Variants in PGLYRP4 observed in about 807,000 individuals in gnomAD.
PGLYRP4 encodes PGRP-I-beta.
A neutral mutation model predicts 41.2 loss-of-function variants in PGLYRP4; 39 were observed. The observed-to-expected ratio is 0.95, with a 90% CI of 0.73 to 1.24. The LOEUF (loss-of-function observed/expected upper bound fraction) is 1.24, where lower values mean the gene tolerates loss of function less well. Ranked by LOEUF, PGLYRP4 falls within the 50% of genes most tolerant of loss-of-function variation. PGLYRP4 has a pLI of 0.00. For synonymous variants in PGLYRP4, 202 were observed against 186.8 expected (o/e 1.08, Z -0.66); for missense variants, 467 against 460.7 (o/e 1.01, Z -0.13).
intron 8 of PGLYRP4, among the ~76,000 whole-genome samples, chr1:153,335,633 G>A (rs1437976067): frequency 6.6e-6 from 1 of 152,070 alleles, no homozygotes; most frequent in South Asian, 2.1e-4. Context: ...GCTGAGGCAG[G>A]AGAATTGCTT....
chr1:153,334,367 G>GTA (rs1478683526), intron 8 of PGLYRP4, among the ~76,000 whole-genome samples: 4 of 149,554 alleles, frequency 2.7e-5, no homozygotes, highest in Non-Finnish European at 4.4e-5. Flanking sequence ...ATGTTTGTAT[G>GTA]TATATATATG....
At chr1:153,347,608 GTGATC>G (rs1209922072) in intron 2 of PGLYRP4, among the ~76,000 whole-genome samples, 1 of 151,966 alleles carries the variant, frequency 6.6e-6, no homozygotes, top group African/African-American at 2.4e-5. Flanking sequence ...TCTTAACCTC[GTGATC>G]TGCCCACCTA....
At chr1:153,330,982 A>T (rs770516452) in intron 8 of PGLYRP4, 37 bp from the exon 9 acceptor site, 2 of 1,567,306 alleles carry the variant, frequency 1.3e-6, no homozygotes, top group Non-Finnish European at 8.7e-7. Flanking sequence ...ACAGGATTAC[A>T]GGGCACCCTG....
intron 7 of PGLYRP4, among the ~76,000 whole-genome samples, chr1:153,340,092 G>A (rs966490313): frequency 1.3e-5 from 2 of 152,166 alleles, no homozygotes; most frequent in African/African-American, 4.8e-5. Flanking sequence ...TCTTGCATGC[G>A]TACTGCTTCC....
intron 6 of PGLYRP4, 112 bp from the exon 7 acceptor site, chr1:153,340,691 G>T (rs1660763073): frequency 3.7e-6 from 4 of 1,073,082 alleles, no homozygotes; most frequent in Non-Finnish European, 5.4e-6. Context: ...AACCCCTCTG[G>T]GTCTCCCACC....
At position 153,340,536 on chromosome 1, in the gene PGLYRP4, C is replaced by T. The variant is rs754370493; in HGVS notation, c.669G>A (p.Glu223=). The T allele has an allele frequency of 3.7e-5, 60 of 1,613,996 alleles. No homozygotes were observed. The highest frequency in any genetic ancestry group is 4.7e-5 in the Non-Finnish European group (56 of 1,180,014). The change falls in exon 7 of 9, where the codon GAG becomes GAA. Residue 223 remains glutamate, a synonymous_variant. Transcript: ENST00000359650. The stretch of plus-strand genomic sequence containing the variant: ...GGAGAGTCATCCTGGGACAGTGGGT[C>T]TCCCTGGCTCCCCACACAGACCGTG... ...VVPRSVWGAR[E]THCPRMTLPA... is the part of the protein sequence containing the mutation.
intron 4 of PGLYRP4, among the ~76,000 whole-genome samples, 159 bp from the exon 5 acceptor site, chr1:153,343,367 T>G (rs1243229619): frequency 6.6e-6 from 1 of 152,182 alleles, no homozygotes; most frequent in African/African-American, 2.4e-5. Context: ...AGCAAGTCAT[T>G]TATACTAGTC....
intron 8 of PGLYRP4, 71 bp from the exon 9 acceptor site, chr1:153,331,016 C>A: frequency 7.7e-7 from 1 of 1,292,610 alleles, no homozygotes; most frequent in South Asian, 1.5e-5. Flanking sequence ...ATCCCCAGAA[C>A]CCACCCTCAT....
At chr1:153,340,924 A>C (rs963039750) in intron 6 of PGLYRP4, among the ~76,000 whole-genome samples, 2 of 152,248 alleles carry the variant, frequency 1.3e-5, no homozygotes, top group Non-Finnish European at 2.9e-5. Flanking sequence ...ATCTTGATTA[A>C]GCCCAAGAAA....
intron 8 of PGLYRP4, among the ~76,000 whole-genome samples, chr1:153,334,208 A>G (rs1224116814): frequency 6.6e-6 from 1 of 151,850 alleles, no homozygotes; most frequent in African/African-American, 2.4e-5. Flanking sequence ...TAGTTTCAAG[A>G]TACAAAATCA....
At chr1:153,335,530 T>A (rs1299601309) in intron 8 of PGLYRP4, among the ~76,000 whole-genome samples, 1 of 150,140 alleles carries the variant, frequency 6.7e-6, no homozygotes, top group African/African-American at 2.5e-5. Context: ...ACTGAGACCA[T>A]CCTAGCCAAC....
intron 4 of PGLYRP4, chr1:153,344,931 A>C: frequency 2.0e-6 from 1 of 498,064 alleles, no homozygotes; most frequent in African/African-American, 1.9e-5. Context: ...GGGGGAGGGT[A>C]GAGAATACAG....
chr1:153,336,348 T>G (rs1660558321), intron 8 of PGLYRP4, among the ~76,000 whole-genome samples: 1 of 111,854 alleles, frequency 8.9e-6, no homozygotes, highest in African/African-American at 3.6e-5. Flanking sequence ...CCAGCCTGGG[T>G]GACAGAGCGA....
At chr1:153,341,938 C>T (rs189609056) in intron 5 of PGLYRP4, among the ~76,000 whole-genome samples, 159 bp from the exon 6 acceptor site, 106 of 152,316 alleles carry the variant, frequency 7.0e-4, no homozygotes, top group Admixed American at 2.2e-3. Context: ...AATTAAGGAT[C>T]TTCCTGGAAA....
intron 4 of PGLYRP4, among the ~76,000 whole-genome samples, chr1:153,344,346 C>T (rs973211679): frequency 2.0e-5 from 3 of 152,192 alleles, no homozygotes; most frequent in African/African-American, 7.2e-5. Context: ...ATTGGGCTGG[C>T]TCACAGTGGC....
chr1:153,334,650 C>G (rs375282229), intron 8 of PGLYRP4, among the ~76,000 whole-genome samples: 1 of 151,602 alleles, frequency 6.6e-6, no homozygotes, highest in Non-Finnish European at 1.5e-5. Context: ...ACAGATTCAA[C>G]GCAGTTCCTA....
chr1:153,340,750 T>C (rs1352820781), intron 6 of PGLYRP4, among the ~76,000 whole-genome samples, 171 bp from the exon 7 acceptor site: 3 of 152,064 alleles, frequency 2.0e-5, no homozygotes, highest in East Asian at 3.9e-4. Flanking sequence ...GAGCAGACAG[T>C]GTCCCGCAGT....
chr1:153,347,008 G>A (rs1313224122), intron 2 of PGLYRP4, among the ~76,000 whole-genome samples: 1 of 152,188 alleles, frequency 6.6e-6, no homozygotes, highest in Non-Finnish European at 1.5e-5. Context: ...TGTGCTCTAT[G>A]TACAATCTAT....
At chr1:153,338,081 C>T (rs1035925485) in intron 7 of PGLYRP4, among the ~76,000 whole-genome samples, 3 of 152,198 alleles carry the variant, frequency 2.0e-5, no homozygotes, top group Non-Finnish European at 4.4e-5. Context: ...CCATGAAAGT[C>T]CGCACGTTCA....
Sources: allele counts gnomAD v4.1 joint callset (sites outside exome capture counted in the v4.1 genomes callset), GRCh38; gene constraint gnomAD v4.1.1; transcripts MANE v1.5; gene names NCBI Gene and HGNC (gene_info 2026-07-23, HGNC 2026-07-21).